The following NRXN3 variants were observed in gnomAD, a reference collection of about 807,000 sequenced individuals.
The protein encoded by NRXN3 is neurexin III.
Under a neutral mutation model 137.6 loss-of-function variants are expected in NRXN3, and 32 were observed. The observed-to-expected ratio is 0.23, with a 90% CI of 0.18 to 0.31. The LOEUF is 0.31. Among genes scored for constraint, NRXN3 ranks in the 10% least tolerant of loss-of-function variants. NRXN3 has a pLI of 1.00. For synonymous variants in NRXN3, 798 were observed against 784.5 expected, an observed-to-expected ratio of 1.02 and a Z score of -0.29; for missense variants, 1,574 against 2,062.5, an observed-to-expected ratio of 0.76 and a Z score of 4.59.
chr14:78,552,590 C>T (rs1338479216), intron 4 of NRXN3, among the ~76,000 whole-genome samples: 1 of 152,124 alleles, frequency 6.6e-6, no homozygotes, highest in Non-Finnish European at 1.5e-5. Flanking sequence ...TGCTGGAGCC[C>T]AGGAGTTTGA....
At chr14:78,826,091 A>G (rs1038486030) in intron 10 of NRXN3, among the ~76,000 whole-genome samples, 6 of 152,390 alleles carry the variant, frequency 3.9e-5, no homozygotes, top group African/African-American at 1.4e-4. Flanking sequence ...TTCAATTGTC[A>G]CATGTATTAG....
chr14:79,580,696 G>A (rs1244129726), intron 16 of NRXN3, among the ~76,000 whole-genome samples: 1 of 152,112 alleles, frequency 6.6e-6, no homozygotes, highest in African/African-American at 2.4e-5. Flanking sequence ...CTCCCTTGAA[G>A]TTCAGTTAAC....
rs539928052 is a variant in NRXN3, at chr14:79,262,218, T to C, written c.3263-205003T>C. 2.0e-5 allele frequency among the ~76,000 whole-genome samples: 3 copies of C among 152,180 alleles called. No homozygotes were observed. The South Asian group carries it at 6.2e-4, about 32-fold the overall frequency. On this transcript the variant is annotated intron_variant, in intron 15 of 20. Transcript: ENST00000335750. ...ACTTCTTTTAAAAGGAAAAATGAAG[T>C]GCCCAATCCTCACATTTCTTCCCAT...
intron 16 of NRXN3, among the ~76,000 whole-genome samples, chr14:79,560,148 C>T (rs1467755585): frequency 6.6e-6 from 1 of 152,042 alleles, no homozygotes; most frequent in Non-Finnish European, 1.5e-5. Flanking sequence ...TTCTATAACA[C>T]TTTTTTCTAT....
intron 19 of NRXN3, among the ~76,000 whole-genome samples, chr14:79,746,984 A>G (rs1024550270): frequency 6.6e-6 from 1 of 152,078 alleles, no homozygotes; most frequent in Non-Finnish European, 1.5e-5. Context: ...GCTGAAACAA[A>G]AGCTACCTAC....
intron 1 of NRXN3, among the ~76,000 whole-genome samples, chr14:78,180,070 A>G (rs901207633): frequency 2.6e-5 from 4 of 151,054 alleles, no homozygotes; most frequent in African/African-American, 9.7e-5. Flanking sequence ...TTGGTCTCGA[A>G]CTCCTGACCT....
rs564887758 is a variant in NRXN3 at position 79,635,442 on chromosome 14, G to A, written c.3445-28336G>A. Among the ~76,000 whole-genome samples, 6 of 152,316 alleles carry A rather than the reference G, an allele frequency of 3.9e-5. No homozygotes were observed. In the East Asian group the frequency reaches 7.7e-4, roughly 20 times the overall value. Reference sequence around the variant, plus strand: ...AAAGTGGGAATGGGGTTCACCAAACGTACTAGTTTTCTAGGGCTGTTGTAA... The same window carrying A: ...AAAGTGGGAATGGGGTTCACCAAACATACTAGTTTTCTAGGGCTGTTGTAA... On this transcript the variant is annotated intron_variant, in intron 16 of 20. Coordinates refer to ENST00000335750, the MANE Select transcript of NRXN3 (RefSeq NM_001330195.2).
At chr14:79,538,236 G>T (rs536800147) in intron 16 of NRXN3, among the ~76,000 whole-genome samples, 1 of 151,968 alleles carries the variant, frequency 6.6e-6, no homozygotes. Context: ...CTCCCATTTT[G>T]TAGGTTGCTT....
chr14:79,487,949 T>G (rs573794848), intron 16 of NRXN3, among the ~76,000 whole-genome samples: 1 of 152,322 alleles, frequency 6.6e-6, no homozygotes, highest in South Asian at 2.1e-4. Flanking sequence ...GCATCTGGGA[T>G]ACTGCCTCCC....
Position 78,709,659 on chromosome 14 carries a change from G to A in NRXN3, c.1660+4G>A. 3 of 1,605,584 alleles carry A rather than the reference G, an allele frequency of 1.9e-6. 1 individual carries two copies. The South Asian group carries it at 3.3e-5, about 18-fold the overall frequency. On this transcript the variant is annotated splice_donor_region_variant and intron_variant, in intron 7 of 20. Transcript: ENST00000335750. ...ATTCAGCGAGATGGCAGATCAGGTAGGAAGAGGCAGGATGTGTGACTGAGA... is the reference window on the plus strand; with the variant it reads ...ATTCAGCGAGATGGCAGATCAGGTAAGAAGAGGCAGGATGTGTGACTGAGA...
rs191428981 is a variant in NRXN3, at chr14:79,320,773, T to C, written c.3263-146448T>C. 9.5e-3 allele frequency among the ~76,000 whole-genome samples: 1,450 copies of C among 152,004 alleles called. 9 individuals carry two copies. The highest frequency in any genetic ancestry group is 0.016 in the Non-Finnish European group (1,078 of 67,978). ...CCATCCCTTGGTACAGTATTAAGGC[T>C]ATATCTGGGAAAACCAACAAAACGT... is the stretch of plus-strand genomic sequence containing the variant. On this transcript the variant is annotated intron_variant, in intron 15 of 20. Transcript: ENST00000335750.
At chr14:78,698,830 G>C (rs2098252226) in intron 6 of NRXN3, among the ~76,000 whole-genome samples, 1 of 151,970 alleles carries the variant, frequency 6.6e-6, no homozygotes, top group Non-Finnish European at 1.5e-5. Context: ...AATATTCAGT[G>C]GTTCCAAGAA....
chr14:78,957,551 G>A (rs1236469516), intron 11 of NRXN3, among the ~76,000 whole-genome samples, 190 bp downstream of exon 11: 2 of 152,142 alleles, frequency 1.3e-5, no homozygotes, highest in East Asian at 3.9e-4. Context: ...TCATCAATGT[G>A]CGTTATGGAA....
intron 4 of NRXN3, among the ~76,000 whole-genome samples, chr14:78,400,666 C>A (rs953437240): frequency 6.6e-6 from 1 of 152,170 alleles, no homozygotes; most frequent in African/African-American, 2.4e-5. Context: ...CCTGACAATT[C>A]TCTAAGTTAT....
intron 15 of NRXN3, among the ~76,000 whole-genome samples, chr14:79,012,246 C>T (rs1430584822): frequency 6.6e-6 from 1 of 152,144 alleles, no homozygotes; most frequent in Non-Finnish European, 1.5e-5. Context: ...ATAGTGTATC[C>T]AAGGTCACGT....
At chr14:78,226,164 C>T (rs781756768) in intron 1 of NRXN3, among the ~76,000 whole-genome samples, 13 of 152,060 alleles carry the variant, frequency 8.5e-5, no homozygotes, top group Non-Finnish European at 1.2e-4. Context: ...CCACCACGCC[C>T]GACTAATTTT....
At chr14:79,605,331 T>C (rs986616410) in intron 16 of NRXN3, among the ~76,000 whole-genome samples, 1 of 152,132 alleles carries the variant, frequency 6.6e-6, no homozygotes, top group Non-Finnish European at 1.5e-5. Flanking sequence ...ACTATTTTCA[T>C]CAGAAATTTT....
At chr14:78,494,423 TTTG>T (rs138227975) in intron 4 of NRXN3, among the ~76,000 whole-genome samples, 2,249 of 150,100 alleles carry the variant, frequency 0.015, 69 homozygotes, top group African/African-American at 0.053. Context: ...CCAGAGGTGT[TTTG>T]TTTTTTTTTT....
At chr14:78,472,849 C>T (rs888991418) in intron 4 of NRXN3, among the ~76,000 whole-genome samples, 2 of 151,750 alleles carry the variant, frequency 1.3e-5, no homozygotes, top group African/African-American at 4.8e-5. Flanking sequence ...ATTCTCTAAA[C>T]AATAGGTGAC....
Sources: gnomAD v4.1 joint callset for allele counts (sites outside exome capture counted in the v4.1 genomes callset) on GRCh38, gnomAD v4.1.1 for gene constraint, MANE v1.5 for transcripts, NCBI Gene and HGNC (gene_info 2026-07-23, HGNC 2026-07-21) for gene names.